The following KCNN2 variants were observed in gnomAD, a reference collection of about 807,000 sequenced individuals.
KCNN2 encodes the protein potassium calcium-activated channel subfamily N member 2.
KCNN2 carries 24 observed loss-of-function variants against 55.5 expected under a neutral mutation model. The ratio of observed to expected loss-of-function variants is 0.43; its 90% confidence interval spans 0.31 to 0.61. The LOEUF (loss-of-function observed/expected upper bound fraction) is 0.61. KCNN2 is among the 20% of genes least tolerant of loss of function. The probability of loss-of-function intolerance (pLI) is 0.08; values close to 1 mark genes in which losing one functional copy is unlikely to be tolerated. For missense variants in KCNN2, 754 were observed against 853.6 expected (o/e 0.88, Z 1.45); for synonymous variants, 431 against 336.1 (o/e 1.28, Z -3.09).
chr5:114,364,777 TAG>T lies in KCNN2; in HGVS notation c.1218+779_1218+780del, dbSNP rs1020875939. On this transcript the variant is annotated intron_variant, in intron 2 of 7. Coordinates refer to ENST00000673685, the MANE Select transcript of KCNN2 (RefSeq NM_021614.4). ...TAAGGCTTTTAAATTAAAATAAGTATAGAGTTTTCAAAAATTAGATTGGGACT... is the reference window on the plus strand; with the variant it reads ...TAAGGCTTTTAAATTAAAATAAGTATAGTTTTCAAAAATTAGATTGGGACT... 1.4e-3 allele frequency among the ~76,000 whole-genome samples: 218 copies of T among 152,220 alleles called. 1 individual carries two copies. The highest frequency in any genetic ancestry group is 5.1e-3 in the African/African-American group (212 of 41,554).
At chr5:114,455,865 C>T (rs60637405) in intron 3 of KCNN2, among the ~76,000 whole-genome samples, 2 of 152,210 alleles carry the variant, frequency 1.3e-5, no homozygotes, top group African/African-American at 4.8e-5. Flanking sequence ...TCCTAACTCT[C>T]TTCAGTTCTT....
chr5:114,315,938 A>G (rs1006207479), intron 2 of KCNN2, among the ~76,000 whole-genome samples: 2 of 150,172 alleles, frequency 1.3e-5, no homozygotes, highest in Non-Finnish European at 3.0e-5. Flanking sequence ...TAGGAATCAG[A>G]TATTGTCCTG....
chr5:114,092,162 A>G (rs1021778959), intron 1 of KCNN2, among the ~76,000 whole-genome samples: 14 of 152,242 alleles, frequency 9.2e-5, no homozygotes, highest in East Asian at 1.9e-4. Flanking sequence ...GGGGGTGGGT[A>G]CAGGCATTGG....
chr5:114,098,390 C>A (rs972504957), intron 1 of KCNN2, among the ~76,000 whole-genome samples: 2 of 151,904 alleles, frequency 1.3e-5, no homozygotes, highest in Admixed American at 1.3e-4. Flanking sequence ...TGTTAGGAAC[C>A]AGGCTGCATG....
intron 1 of KCNN2, among the ~76,000 whole-genome samples, chr5:114,157,024 C>T (rs1201249942): frequency 6.6e-6 from 1 of 151,086 alleles, no homozygotes; most frequent in African/African-American, 2.4e-5. Context: ...TATTATTATA[C>T]TTTAAGTTTT....
At chr5:114,276,653 C>T (rs1183635462) in intron 2 of KCNN2, among the ~76,000 whole-genome samples, 1 of 89,992 alleles carries the variant, frequency 1.1e-5, no homozygotes, top group Non-Finnish European at 2.1e-5. Flanking sequence ...TATTGCAACC[C>T]CTGCATTTTT....
intron 1 of KCNN2, among the ~76,000 whole-genome samples, chr5:114,187,741 C>T (rs993002880): frequency 1.3e-5 from 2 of 151,648 alleles, no homozygotes; most frequent in Admixed American, 6.6e-5. Context: ...CTCCTGACCT[C>T]GAGATCCACC....
chr5:114,461,467 C>T (rs1252011884), intron 3 of KCNN2, among the ~76,000 whole-genome samples: 2 of 152,116 alleles, frequency 1.3e-5, no homozygotes, highest in African/African-American at 4.8e-5. Context: ...TCCAGGAGAT[C>T]AGTGATTGCC....
chr5:114,440,102 C>G (rs142173750), intron 3 of KCNN2, among the ~76,000 whole-genome samples: 1 of 152,012 alleles, frequency 6.6e-6, no homozygotes, highest in South Asian at 2.1e-4. Context: ...ACCATGAATT[C>G]TCTGTTTCTG....
Position 114,496,403 on chromosome 5 carries a change from C to A in KCNN2, c.*221C>A. On this transcript the variant is annotated 3_prime_UTR_variant, in exon 8 of 8. Coordinates refer to ENST00000673685, the MANE Select transcript of KCNN2 (RefSeq NM_021614.4). ...ACCTATTATTGCTATATAGATTGTT[C>A]CTCCTGTAATTTCACTAACTTTTTA... 6.4e-6 allele frequency: 3 copies of A among 465,802 alleles called. No individual in the cohort carries two copies. The East Asian group carries it at 1.0e-4, about 16-fold the overall frequency. 28.9% of individuals were successfully genotyped at this position (465,802 alleles called of 1,614,324 possible).
intron 3 of KCNN2, among the ~76,000 whole-genome samples, chr5:114,427,929 G>A (rs1389790821): frequency 1.3e-5 from 2 of 152,108 alleles, no homozygotes; most frequent in African/African-American, 2.4e-5. Flanking sequence ...TATATTTACT[G>A]TGCTTCTATT....
Position 114,403,305 on chromosome 5 carries a change from A to G in KCNN2, c.1219-1133A>G, listed in dbSNP as rs570624449. 1.4e-4 allele frequency among the ~76,000 whole-genome samples: 22 copies of G among 152,330 alleles called. No homozygotes were observed. The East Asian group carries it at 2.7e-3, about 19-fold the overall frequency. On this transcript the variant is annotated intron_variant, in intron 2 of 7. Coordinates refer to ENST00000673685, the MANE Select transcript of KCNN2 (RefSeq NM_021614.4). Reference sequence around the variant, plus strand: ...TCAAGTTTGGTAAATAAAGTAGACAATCAAGCTGGATAATAACATTTTTGG... The same window carrying G: ...TCAAGTTTGGTAAATAAAGTAGACAGTCAAGCTGGATAATAACATTTTTGG...
chr5:114,143,803 G>C (rs1369353089), intron 1 of KCNN2, among the ~76,000 whole-genome samples: 2 of 152,148 alleles, frequency 1.3e-5, no homozygotes, highest in African/African-American at 4.8e-5. Context: ...TTCTGTAGTA[G>C]CAATAGTTTC....
At chr5:114,361,381 C>T (rs1479421940), upstream of KCNN2, among the ~76,000 whole-genome samples, 1 of 152,188 alleles carries the variant, frequency 6.6e-6, no homozygotes, top group East Asian at 1.9e-4. Context: ...GATCCGGTCT[C>T]GGGGTCGGCT....
At chr5:114,122,990 G>T (rs1312820449) in intron 1 of KCNN2, among the ~76,000 whole-genome samples, 1 of 152,168 alleles carries the variant, frequency 6.6e-6, no homozygotes, top group African/African-American at 2.4e-5. Context: ...AGGAGGTTTT[G>T]GAGAATGACA....
intron 3 of KCNN2, among the ~76,000 whole-genome samples, chr5:114,417,617 G>C (rs1759345501): frequency 6.6e-6 from 1 of 152,126 alleles, no homozygotes; most frequent in Admixed American, 6.5e-5. Context: ...TAGATAGTTG[G>C]GTGGTAAAAG....
At chr5:114,249,825 A>G (rs1421496483) in intron 2 of KCNN2, among the ~76,000 whole-genome samples, 1 of 152,138 alleles carries the variant, frequency 6.6e-6, no homozygotes, top group South Asian at 2.1e-4. Context: ...TCTTGCAAAA[A>G]TATCATCGAT....
At chr5:114,131,602 A>C (rs1030144203) in intron 1 of KCNN2, among the ~76,000 whole-genome samples, 1 of 152,164 alleles carries the variant, frequency 6.6e-6, no homozygotes. Context: ...ACGCATGCAT[A>C]TATCATCATA....
intron 2 of KCNN2, among the ~76,000 whole-genome samples, chr5:114,367,664 T>TA (rs1487880310): frequency 2.0e-5 from 3 of 151,898 alleles, no homozygotes; most frequent in Admixed American, 6.6e-5. Flanking sequence ...TTTTTTTTTT[T>TA]ACCCCACCCC....
Sources: gnomAD v4.1 joint callset for allele counts (sites outside exome capture counted in the v4.1 genomes callset) on GRCh38, gnomAD v4.1.1 for gene constraint, MANE v1.5 for transcripts, NCBI Gene and HGNC (gene_info 2026-07-23, HGNC 2026-07-21) for gene names.